The following CLEC18A variants were observed in gnomAD, a reference collection of about 807,000 sequenced individuals.
CLEC18A encodes the protein mannose receptor-like 1.
A neutral mutation model predicts 24.0 loss-of-function variants in CLEC18A; 5 were observed. The observed-to-expected ratio is 0.21, with a 90% confidence interval of 0.11 to 0.44. The LOEUF (loss-of-function observed/expected upper bound fraction) is 0.44. CLEC18A is among the 20% of genes least tolerant of loss of function. The pLI is 0.99. For synonymous variants in CLEC18A, 29 were observed against 100.1 expected (o/e 0.29, Z 4.24); for missense variants, 83 against 233.4 (o/e 0.36, Z 4.20).
chr16:69,956,468 G>T (rs1355487833), intron 3 of CLEC18A, among the ~76,000 whole-genome samples: 1 of 126,024 alleles, frequency 7.9e-6, no homozygotes, highest in Admixed American at 8.2e-5. Flanking sequence ...CCATTCTCCT[G>T]CCTCAGCCTC....
chr16:69,965,470 C>T (rs1959354553), downstream of CLEC18A, among the ~76,000 whole-genome samples: 2 of 151,888 alleles, frequency 1.3e-5, no homozygotes, highest in East Asian at 2.0e-4. Flanking sequence ...GGTGGGTGAC[C>T]CGGGCGCGCG....
chr16:69,953,861 C>T (rs62053340), intron 2 of CLEC18A: 63,642 of 201,710 alleles, frequency 0.32, 11,531 homozygotes, highest in Non-Finnish European at 0.4. Context: ...GTCAGCTGTG[C>T]GTGGTGGGGA....
upstream of CLEC18A, among the ~76,000 whole-genome samples, chr16:69,948,277 A>G (rs2152008441): frequency 9.5e-6 from 1 of 105,256 alleles, no homozygotes. Context: ...TTGGCCTCCC[A>G]AAGTGCTGGG....
the CLEC18A span, among the ~76,000 whole-genome samples, chr16:69,944,310 T>C: frequency 6.7e-6 from 1 of 149,548 alleles, no homozygotes; most frequent in African/African-American, 2.5e-5. Flanking sequence ...GGAGCTTGGG[T>C]GGTCTCATCA....
intron 3 of CLEC18A, among the ~76,000 whole-genome samples, chr16:69,956,066 C>A (rs604763): frequency 1.4e-4 from 21 of 152,132 alleles, no homozygotes; most frequent in South Asian, 4.2e-4. Flanking sequence ...GGCCACATGG[C>A]AAAAACCTGC....
At chr16:69,956,557 A>C (rs2059038646) in intron 3 of CLEC18A, among the ~76,000 whole-genome samples, 1 of 59,734 alleles carries the variant, frequency 1.7e-5, no homozygotes, top group Non-Finnish European at 2.7e-5. Flanking sequence ...ACAGGGTTTC[A>C]CCGTATTAGC....
downstream of CLEC18A, chr16:69,964,400 G>A (rs1316168827): frequency 6.6e-6 from 1 of 151,190 alleles, no homozygotes; most frequent in Non-Finnish European, 1.5e-5. Flanking sequence ...AAGAAATGAA[G>A]GCAGAGAGAT....
chr16:69,964,948 C>T (rs1254689765), downstream of CLEC18A, among the ~76,000 whole-genome samples: 2 of 152,052 alleles, frequency 1.3e-5, no homozygotes, highest in African/African-American at 2.4e-5. Flanking sequence ...ACCACAGGTC[C>T]GCACCACCAC....
chr16:69,944,122 G>A, the CLEC18A span, among the ~76,000 whole-genome samples: 51 of 133,814 alleles, frequency 3.8e-4, no homozygotes, highest in South Asian at 4.6e-3. Flanking sequence ...ATGGTGAAAC[G>A]CCATCTCTAC....
In CLEC18A at chr16:69,954,412, G is replaced by A. The variant is rs145695799; in HGVS notation, c.295G>A (p.Gly99Ser). The A allele has an allele frequency of 1.2e-3, 1,861 of 1,609,636 alleles. 10 individuals are homozygous for A. The African/African-American group carries it at 0.015, about 13-fold the overall frequency. Reference sequence around the variant, plus strand: ...AACCCCAACCCCGAGCCTGGCGTCCGGCCTGTGGCGCACCCTGCAAGTGGG... The same window carrying A: ...AACCCCAACCCCGAGCCTGGCGTCCAGCCTGTGGCGCACCCTGCAAGTGGG... Reference protein sequence around the residue: ...CGTPTPSLASGLWRTLQVGWN... With the variant: ...CGTPTPSLASSLWRTLQVGWN... The change falls in exon 3 of 12, where the codon GGC (glycine) becomes AGC (serine). Residue 99 changes from glycine (G) to serine (S), a missense_variant. Coordinates refer to ENST00000288040, the MANE Select transcript of CLEC18A (RefSeq NM_001370523.4).
chr16:69,955,460 C>T (rs1402923805), intron 3 of CLEC18A, among the ~76,000 whole-genome samples: 4 of 151,400 alleles, frequency 2.6e-5, no homozygotes, highest in African/African-American at 9.7e-5. Context: ...AAGTGACTGT[C>T]CTGCCTCAGC....
In CLEC18A at chr16:69,952,722, C is replaced by T. The variant is rs181702817; in HGVS notation, c.216+596C>T. 1,294 of 151,002 alleles carry T rather than the reference C, an allele frequency of 8.6e-3. 6 individuals are homozygous for T. Among genetic ancestry groups the T allele is most frequent in the African/African-American group, 0.029 (1,195 of 41,364 alleles). 9.4% of individuals were successfully genotyped at this position (151,002 alleles called of 1,614,324 possible). A position where few individuals can be genotyped will look rare whatever the true frequency, so the allele number is the denominator to read the frequency against. Reference sequence around the variant, plus strand: ...GGACTGTCATCTGGAGGCTCAGAAACGCTGCCCCCCCTTGTCTGGGACCCC... The same window carrying T: ...GGACTGTCATCTGGAGGCTCAGAAATGCTGCCCCCCCTTGTCTGGGACCCC... On this transcript the variant is annotated intron_variant, in intron 2 of 11. Transcript: ENST00000288040.
At chr16:69,963,453 G>C (rs1162193082) in intron 11 of CLEC18A, 121 bp from the exon 12 acceptor site, 2 of 1,225,970 alleles carry the variant, frequency 1.6e-6, no homozygotes, top group Admixed American at 4.0e-5. Context: ...CCTCTGCTAG[G>C]AAGGCCTGGA....
chr16:69,957,044 T>A (rs2059046839), intron 3 of CLEC18A, among the ~76,000 whole-genome samples: 1 of 151,750 alleles, frequency 6.6e-6, no homozygotes, highest in African/African-American at 2.4e-5. Flanking sequence ...AATGTTTAGA[T>A]CATTCATTTT....
chr16:69,964,620 C>T (rs1959301728), downstream of CLEC18A, among the ~76,000 whole-genome samples: 1 of 151,222 alleles, frequency 6.6e-6, no homozygotes, highest in African/African-American at 2.4e-5. Flanking sequence ...CTGCCTCAGC[C>T]TCCCGAGTAG....
Position 69,963,779 on chromosome 16 carries a change from G to C in CLEC18A, c.*168G>C. On this transcript the variant is annotated 3_prime_UTR_variant, in exon 12 of 12. Coordinates refer to ENST00000288040, the MANE Select transcript of CLEC18A (RefSeq NM_001370523.4). ...TGGGCAGAGAGAGGCAGGGAGGCCA[G>C]TGAGGGCCAGGGAGTGAGTGTTAGA... 3.0e-6 allele frequency: 2 copies of C among 667,504 alleles called. No individual in the cohort carries two copies. The highest frequency in any genetic ancestry group is 3.8e-5 in the South Asian group (2 of 52,780). 41.3% of individuals were successfully genotyped at this position (667,504 alleles called of 1,614,324 possible).
intron 3 of CLEC18A, among the ~76,000 whole-genome samples, chr16:69,954,843 A>C (rs1248141672): frequency 2.6e-5 from 4 of 151,608 alleles, no homozygotes; most frequent in Admixed American, 2.0e-4. Context: ...GACTACAGGC[A>C]TGTGCCACCA....
chr16:69,965,294 C>T (rs1447512620), downstream of CLEC18A, among the ~76,000 whole-genome samples: 255 of 151,324 alleles, frequency 1.7e-3, no homozygotes, highest in Middle Eastern at 6.9e-3. Context: ...CCTGCGAGCG[C>T]CAGGCCTTCC....
At chr16:69,945,443 T>G in the CLEC18A span, among the ~76,000 whole-genome samples, 29 of 152,388 alleles carry the variant, frequency 1.9e-4, no homozygotes, top group African/African-American at 6.7e-4. Flanking sequence ...TCCAGTTTTA[T>G]TCTTTTTCAA....
Sources: allele counts gnomAD v4.1 joint callset (sites outside exome capture counted in the v4.1 genomes callset), GRCh38; gene constraint gnomAD v4.1.1; transcripts MANE v1.5; gene names NCBI Gene and HGNC (gene_info 2026-07-23, HGNC 2026-07-21).